Variants in DRC8 observed in about 807,000 individuals in gnomAD.
DRC8 encodes dynein regulatory complex protein 8.
the DRC8 span, among the ~76,000 whole-genome samples, chr1:245,006,302 G>A: frequency 1.5e-5 from 1 of 67,124 alleles, no homozygotes; most frequent in Non-Finnish European, 2.9e-5. Context: ...GAAGTGATGA[G>A]TGTTTATTTA....
At chr1:245,113,065 T>G in the DRC8 span, among the ~76,000 whole-genome samples, 1 of 152,176 alleles carries the variant, frequency 6.6e-6, no homozygotes, top group African/African-American at 2.4e-5. Context: ...CTGATACTAT[T>G]TTGAGTGTGA....
chr1:245,041,343 C>T, the DRC8 span, among the ~76,000 whole-genome samples: 1 of 152,080 alleles, frequency 6.6e-6, no homozygotes, highest in Admixed American at 6.5e-5. Flanking sequence ...TGCAGTTGAT[C>T]AGGAAGAAGT....
At chr1:245,114,926 A>G in the DRC8 span, among the ~76,000 whole-genome samples, 1 of 151,988 alleles carries the variant, frequency 6.6e-6, no homozygotes, top group Non-Finnish European at 1.5e-5. Context: ...GGGTTCTGCC[A>G]TGTTGGTCAG....
At chr1:245,102,428 C>T in the DRC8 span, among the ~76,000 whole-genome samples, 4 of 152,204 alleles carry the variant, frequency 2.6e-5, no homozygotes, top group South Asian at 8.3e-4. Flanking sequence ...CAGCTCACTG[C>T]AGCCTCCACC....
the DRC8 span, among the ~76,000 whole-genome samples, chr1:245,057,563 A>T: frequency 6.6e-6 from 1 of 152,050 alleles, no homozygotes; most frequent in South Asian, 2.1e-4. Context: ...TAATAGCCAG[A>T]TGTAGTTGGT....
the DRC8 span, among the ~76,000 whole-genome samples, chr1:244,984,151 G>A: frequency 3.7e-4 from 56 of 151,842 alleles, no homozygotes; most frequent in Admixed American, 2.3e-3. Flanking sequence ...TAATTTTGTT[G>A]AATCCCATCT....
the DRC8 span, among the ~76,000 whole-genome samples, chr1:245,036,843 C>T: frequency 8.6e-5 from 13 of 152,044 alleles, no homozygotes; most frequent in African/African-American, 2.7e-4. Flanking sequence ...GAGGGATGGA[C>T]GTAGCTGCTA....
At chr1:244,988,268 T>C in the DRC8 span, among the ~76,000 whole-genome samples, 1 of 152,144 alleles carries the variant, frequency 6.6e-6, no homozygotes, top group African/African-American at 2.4e-5. Flanking sequence ...CCTCCCGCCT[T>C]AGCCTCCTGG....
chr1:244,971,117 A>G, the DRC8 span: 2 of 152,270 alleles, frequency 1.3e-5, no homozygotes, highest in African/African-American at 4.8e-5. Flanking sequence ...TCTGGAGGTC[A>G]CAGCCGCTGC....
the DRC8 span, among the ~76,000 whole-genome samples, chr1:245,099,714 G>A: frequency 6.6e-6 from 1 of 152,228 alleles, no homozygotes; most frequent in Non-Finnish European, 1.5e-5. Flanking sequence ...ACGATGTGAG[G>A]AAGGATGACT....
At chr1:245,106,083 G>A in the DRC8 span, among the ~76,000 whole-genome samples, 1 of 152,154 alleles carries the variant, frequency 6.6e-6, no homozygotes, top group Non-Finnish European at 1.5e-5. Flanking sequence ...ACAGAAATAT[G>A]CATTTTACTT....
chr1:245,025,748 G>A, the DRC8 span, among the ~76,000 whole-genome samples: 1 of 152,124 alleles, frequency 6.6e-6, no homozygotes, highest in Non-Finnish European at 1.5e-5. Flanking sequence ...CACATGTTGT[G>A]GGAGGGACCC....
the DRC8 span, among the ~76,000 whole-genome samples, chr1:245,094,136 AGG>A: frequency 7.9e-5 from 12 of 152,240 alleles, no homozygotes; most frequent in Middle Eastern, 3.4e-3. Context: ...ATGAGAATAG[AGG>A]TAAGTCTATT....
At chr1:245,075,987 A>T in the DRC8 span, among the ~76,000 whole-genome samples, 2 of 152,184 alleles carry the variant, frequency 1.3e-5, no homozygotes, top group South Asian at 4.1e-4. Flanking sequence ...CCCTCTAGAC[A>T]TGGGGCGAGG....
chr1:245,100,204 G>C, the DRC8 span, among the ~76,000 whole-genome samples: 3 of 152,016 alleles, frequency 2.0e-5, no homozygotes, highest in Non-Finnish European at 4.4e-5. Flanking sequence ...GACCAATATG[G>C]TGAAACCCAG....
chr1:245,102,169 C>G, the DRC8 span, among the ~76,000 whole-genome samples: 2 of 152,134 alleles, frequency 1.3e-5, no homozygotes, highest in Non-Finnish European at 1.5e-5. Flanking sequence ...TATGAGCAGC[C>G]TAATATCTCC....
chr1:245,017,454 C>A, the DRC8 span: 1 of 978,714 alleles, frequency 1.0e-6, no homozygotes, highest in Non-Finnish European at 1.4e-6. Flanking sequence ...ATTTATTTTC[C>A]ATGCTCCGTA....
the DRC8 span, among the ~76,000 whole-genome samples, chr1:245,005,568 C>A: frequency 6.6e-6 from 1 of 152,058 alleles, no homozygotes; most frequent in Admixed American, 6.5e-5. Context: ...GCCTTGAACT[C>A]CTGGCCTTGA....
At chr1:245,021,010 T>G in the DRC8 span, among the ~76,000 whole-genome samples, 1 of 152,196 alleles carries the variant, frequency 6.6e-6, no homozygotes, top group Non-Finnish European at 1.5e-5. Flanking sequence ...AGAATGCAGC[T>G]GTCCTCTGTG....
Sources: allele counts gnomAD v4.1 joint callset (sites outside exome capture counted in the v4.1 genomes callset), GRCh38; gene constraint gnomAD v4.1.1; transcripts MANE v1.5; gene names NCBI Gene and HGNC (gene_info 2026-07-23, HGNC 2026-07-21).